The following SLC35A3 variants were observed in gnomAD, a reference collection of about 807,000 sequenced individuals.
SLC35A3 encodes the protein UDP-N-acetylglucosamine transporter.
Under a neutral mutation model 39.0 loss-of-function variants are expected in SLC35A3, and 26 were observed. The observed-to-expected ratio is 0.67, with a 90% CI of 0.49 to 0.92. SLC35A3 has a LOEUF of 0.92. SLC35A3 is among the 40% of genes least tolerant of loss of function. The pLI is 0.00. For synonymous variants in SLC35A3, 135 were observed against 133.1 expected (o/e 1.01, Z -0.10); for missense variants, 299 against 371.6 (o/e 0.80, Z 1.61).
At chr1:99,998,742 C>T (rs1289837482) in intron 2 of SLC35A3, among the ~76,000 whole-genome samples, 1 of 152,154 alleles carries the variant, frequency 6.6e-6, no homozygotes, top group Non-Finnish European at 1.5e-5. Context: ...TCTGGACTCA[C>T]CCCATGTGAC....
intron 2 of SLC35A3, 40 bp downstream of exon 2, chr1:99,993,781 AT>A: frequency 6.4e-7 from 1 of 1,563,152 alleles, no homozygotes; most frequent in Non-Finnish European, 8.8e-7. Context: ...AATGCAATTT[AT>A]TTAGTTTGCA....
chr1:99,992,447 A>T (rs1359415997), intron 1 of SLC35A3, among the ~76,000 whole-genome samples: 2 of 151,830 alleles, frequency 1.3e-5, no homozygotes, highest in African/African-American at 4.8e-5. Flanking sequence ...TAACCTATAT[A>T]TGTCTTCATA....
chr1:99,981,847 G>T (rs1223074495), intron 1 of SLC35A3, among the ~76,000 whole-genome samples: 1 of 151,968 alleles, frequency 6.6e-6, no homozygotes, highest in Admixed American at 6.6e-5. Context: ...ACTTTTAGTG[G>T]CTGGAGACAT....
At position 99,989,735 on chromosome 1, in the gene SLC35A3, C is replaced by T. The variant is rs78026627; in HGVS notation, c.-18-3802C>T. On this transcript the variant is annotated intron_variant, in intron 1 of 7. Transcript: ENST00000533028. ...GTAGTTTGCCTTTCATATTATTTTACAGTATCTTTGGAAGAGCAGTCTTTA... is the reference window on the plus strand; with the variant it reads ...GTAGTTTGCCTTTCATATTATTTTATAGTATCTTTGGAAGAGCAGTCTTTA... Among the ~76,000 whole-genome samples, 1,393 of 152,112 alleles carry T rather than the reference C, an allele frequency of 9.2e-3. 25 individuals carry two copies. The highest frequency in any genetic ancestry group is 0.032 in the African/African-American group (1,344 of 41,494).
rs1447419931 is a variant in SLC35A3 at position 100,026,365 on chromosome 1, TTAAAG to T, written c.*3892_*3896del. ...GTCATCTTAAGAATCTCCAGGTTAT[TTAAAG>T]TAGTTATAGGAGCAGAGAACAAGCA... On this transcript the variant is annotated 3_prime_UTR_variant, in exon 8 of 8. Coordinates refer to ENST00000533028, the MANE Select transcript of SLC35A3 (RefSeq NM_012243.3). The T allele has an allele frequency of 6.6e-6, 1 of 152,058 alleles. No homozygotes were observed. Among genetic ancestry groups the T allele is most frequent in the African/African-American group, 2.4e-5 (1 of 41,368 alleles). The allele number at this position is 152,058 out of a possible 1,614,324, so 9.4% of individuals were successfully genotyped here.
In SLC35A3 at chr1:99,987,756, T is replaced by G. The variant is rs111697511; in HGVS notation, c.-18-5781T>G. On this transcript the variant is annotated intron_variant, in intron 1 of 7. Transcript: ENST00000533028. ...TGGTTGTAGCAACCTGGTAGCTTGA[T>G]AGCTTGGGCTGTGAGAGCTCTAAAG... is the stretch of plus-strand genomic sequence containing the variant. 6.5e-3 allele frequency among the ~76,000 whole-genome samples: 985 copies of G among 152,274 alleles called. 17 individuals carry two copies. Among genetic ancestry groups the G allele is most frequent in the African/African-American group, 0.023 (955 of 41,560 alleles).
chr1:99,995,201 G>T (rs1658331896), intron 2 of SLC35A3, among the ~76,000 whole-genome samples: 2 of 146,522 alleles, frequency 1.4e-5, no homozygotes, highest in South Asian at 2.1e-4. Context: ...CGCCTAGGCT[G>T]GAGTGCAGTG....
chr1:100,001,946 A>G (rs1658848941), intron 3 of SLC35A3, among the ~76,000 whole-genome samples: 1 of 152,202 alleles, frequency 6.6e-6, no homozygotes, highest in South Asian at 2.1e-4. Flanking sequence ...CATCCTTGGG[A>G]TAAATCCTAC....
Position 100,027,025 on chromosome 1 carries a change from C to A in SLC35A3, c.*4549C>A. The A allele has an allele frequency of 2.5e-6, 1 of 395,256 alleles. No individual in the cohort carries two copies. The highest frequency in any genetic ancestry group is 4.5e-6 in the Non-Finnish European group (1 of 224,574). The allele number at this position is 395,256 out of a possible 1,614,324, so 24.5% of individuals were successfully genotyped here. On this transcript the variant is annotated 3_prime_UTR_variant, in exon 8 of 8. Coordinates refer to ENST00000533028, the MANE Select transcript of SLC35A3 (RefSeq NM_012243.3). Reference sequence around the variant, plus strand: ...TTTTCCTATTTACCTGTGTCTATGACCTAACCTATGAATTAGTCTTCTCTC... The same window carrying A: ...TTTTCCTATTTACCTGTGTCTATGAACTAACCTATGAATTAGTCTTCTCTC...
In SLC35A3 at chr1:100,025,275, A is replaced by G. The variant is rs1287729895; in HGVS notation, c.*2799A>G. The G allele has an allele frequency of 6.6e-6, 1 of 152,246 alleles. No homozygotes were observed. Among genetic ancestry groups the G allele is most frequent in the African/African-American group, 2.4e-5 (1 of 41,472 alleles). The allele number at this position is 152,246 out of a possible 1,614,324, so 9.4% of individuals were successfully genotyped here. ...ATTTATGTTTAGCTCACATTGAAGT[A>G]TTGGTTGGTTACTTATGTATTAATG... is the stretch of plus-strand genomic sequence containing the variant. On this transcript the variant is annotated 3_prime_UTR_variant, in exon 8 of 8. Coordinates refer to ENST00000533028, the MANE Select transcript of SLC35A3 (RefSeq NM_012243.3).
chr1:100,029,480 G>GA lies in SLC35A3; in HGVS notation c.*7005dup, dbSNP rs1207569247. On this transcript the variant is annotated 3_prime_UTR_variant, in exon 8 of 8. Coordinates refer to ENST00000533028, the MANE Select transcript of SLC35A3 (RefSeq NM_012243.3). ...GAGTCTCGCTCTGTCACTCAGGCTG[G>GA]AGTTCAGCGGCACGATCTCTGCTCA... The GA allele has an allele frequency of 1.4e-5, 2 of 145,186 alleles. No individual in the cohort carries two copies. The highest frequency in any genetic ancestry group is 3.0e-5 in the Non-Finnish European group (2 of 67,308). The allele number at this position is 145,186 out of a possible 1,614,324, so 9.0% of individuals were successfully genotyped here.
chr1:100,000,954 T>A (rs552394074), intron 3 of SLC35A3, among the ~76,000 whole-genome samples: 45 of 152,282 alleles, frequency 3.0e-4, no homozygotes, highest in Non-Finnish European at 4.9e-4. Context: ...GCGTCATTTA[T>A]CGAAGAGGAT....
chr1:99,971,018 G>C (rs907935534), intron 1 of SLC35A3, among the ~76,000 whole-genome samples: 1 of 151,980 alleles, frequency 6.6e-6, no homozygotes, highest in African/African-American at 2.4e-5. Flanking sequence ...AAATATGCTC[G>C]TCTTTCCTCT....
At chr1:99,988,893 A>AG (rs1245715184) in intron 1 of SLC35A3, among the ~76,000 whole-genome samples, 8 of 152,128 alleles carry the variant, frequency 5.3e-5, no homozygotes, top group African/African-American at 1.4e-4. Flanking sequence ...CAGCCTCCTG[A>AG]GTAGCTGGAA....
At chr1:99,971,309 T>G (rs2101002089) in intron 1 of SLC35A3, among the ~76,000 whole-genome samples, 1 of 151,310 alleles carries the variant, frequency 6.6e-6, no homozygotes, top group Non-Finnish European at 1.5e-5. Context: ...TCAATATGAT[T>G]CTTTTTTTTT....
intron 1 of SLC35A3, among the ~76,000 whole-genome samples, chr1:99,981,036 AATTT>A (rs1657422138): frequency 6.6e-6 from 1 of 152,180 alleles, no homozygotes; most frequent in South Asian, 2.1e-4. Flanking sequence ...AGTTATGATG[AATTT>A]TATTTGTCAT....
At chr1:100,008,792 T>C (rs1465991429) in intron 4 of SLC35A3, 1 of 152,218 alleles carries the variant, frequency 6.6e-6, no homozygotes, top group Non-Finnish European at 1.5e-5. Flanking sequence ...ACCATAGTAC[T>C]TTGTACATAT....
intron 1 of SLC35A3, among the ~76,000 whole-genome samples, chr1:99,971,379 TC>T (rs1276198310): frequency 1.3e-5 from 2 of 151,718 alleles, no homozygotes; most frequent in African/African-American, 4.8e-5. Flanking sequence ...CAATCTCAGC[TC>T]ACTGCAAGCT....
In SLC35A3 at chr1:100,024,089, C is replaced by T. The variant is rs1429354531; in HGVS notation, c.*1613C>T. The T allele has an allele frequency of 5.3e-5, 8 of 151,194 alleles. No individual in the cohort carries two copies. The highest frequency in any genetic ancestry group is 5.3e-4 in the Admixed American group (8 of 15,208). The allele number at this position is 151,194 out of a possible 1,614,324, so 9.4% of individuals were successfully genotyped here. ...GTGGGTTTTTTTCCTTTTTAATGAA[C>T]ACTGGAGCTGAGGATGCAGATTACA... On this transcript the variant is annotated 3_prime_UTR_variant, in exon 8 of 8. Coordinates refer to ENST00000533028, the MANE Select transcript of SLC35A3 (RefSeq NM_012243.3).
Sources: gnomAD v4.1 joint callset for allele counts (sites outside exome capture counted in the v4.1 genomes callset) on GRCh38, gnomAD v4.1.1 for gene constraint, MANE v1.5 for transcripts, NCBI Gene and HGNC (gene_info 2026-07-23, HGNC 2026-07-21) for gene names.